The following PLCXD3 variants were observed in gnomAD, a reference collection of about 807,000 sequenced individuals.
PLCXD3 encodes the protein PI-PLC X domain-containing protein 3.
Under a neutral mutation model 25.5 loss-of-function variants are expected in PLCXD3, and 19 were observed. The observed-to-expected ratio is 0.75, with a 90% confidence interval of 0.52 to 1.09. The LOEUF (loss-of-function observed/expected upper bound fraction) is 1.09. Ranked by LOEUF, PLCXD3 falls within the 50% of genes least tolerant of loss-of-function variation. The pLI is 0.00. For synonymous variants in PLCXD3, 174 were observed against 137.6 expected, an observed-to-expected ratio of 1.26 and a Z score of -1.85; for missense variants, 411 against 388.1, an observed-to-expected ratio of 1.06 and a Z score of -0.50.
chr5:41,492,028 C>A (rs563522053), intron 1 of PLCXD3, among the ~76,000 whole-genome samples: 1 of 152,312 alleles, frequency 6.6e-6, no homozygotes, highest in South Asian at 2.1e-4. Context: ...TCTTCCTAGC[C>A]TCGATGGTCT....
intron 2 of PLCXD3, among the ~76,000 whole-genome samples, chr5:41,356,969 G>T (rs1744636527): frequency 6.6e-6 from 1 of 152,132 alleles, no homozygotes. Flanking sequence ...ACACCAAATG[G>T]TCACCAAGGG....
intron 1 of PLCXD3, among the ~76,000 whole-genome samples, chr5:41,488,235 A>G (rs1271599184): frequency 1.3e-5 from 2 of 148,702 alleles, no homozygotes; most frequent in Non-Finnish European, 3.0e-5. Context: ...AATTTCATCC[A>G]TGTCCCTACA....
chr5:41,355,882 C>T (rs970501777), intron 2 of PLCXD3, among the ~76,000 whole-genome samples: 1 of 152,108 alleles, frequency 6.6e-6, no homozygotes, highest in Non-Finnish European at 1.5e-5. Context: ...ATGAGTTTCC[C>T]ATGAGTATAT....
At chr5:41,327,257 G>C (rs1299997899) in intron 2 of PLCXD3, among the ~76,000 whole-genome samples, 1 of 152,120 alleles carries the variant, frequency 6.6e-6, no homozygotes, top group Admixed American at 6.5e-5. Flanking sequence ...GAGGTGTGGG[G>C]GAATTGACTG....
intron 1 of PLCXD3, among the ~76,000 whole-genome samples, chr5:41,388,633 T>C (rs1421816123): frequency 6.6e-6 from 1 of 151,298 alleles, no homozygotes; most frequent in Non-Finnish European, 1.5e-5. Context: ...TTTTTCTTTT[T>C]CATAAAAAAG....
intron 2 of PLCXD3, among the ~76,000 whole-genome samples, chr5:41,355,991 A>G (rs1220313737): frequency 6.6e-6 from 1 of 152,108 alleles, no homozygotes; most frequent in Non-Finnish European, 1.5e-5. Flanking sequence ...TTTGTTACCC[A>G]ATAACTTCTC....
chr5:41,343,675 A>G (rs774670648), intron 2 of PLCXD3, among the ~76,000 whole-genome samples: 11 of 152,148 alleles, frequency 7.2e-5, no homozygotes, highest in Admixed American at 3.9e-4. Context: ...TGTAGTTACA[A>G]TGAAAATCCA....
At chr5:41,434,018 C>T (rs1747176679) in intron 1 of PLCXD3, among the ~76,000 whole-genome samples, 1 of 152,160 alleles carries the variant, frequency 6.6e-6, no homozygotes, top group South Asian at 2.1e-4. Context: ...ATGGCCCAGG[C>T]ATTGCAAACA....
At chr5:41,426,966 C>T (rs573157486) in intron 1 of PLCXD3, among the ~76,000 whole-genome samples, 3 of 152,192 alleles carry the variant, frequency 2.0e-5, no homozygotes, top group African/African-American at 2.4e-5. Context: ...TTTCTGATCA[C>T]TAATGATTTT....
chr5:41,385,613 C>T (rs1421394404), intron 1 of PLCXD3, among the ~76,000 whole-genome samples: 2 of 152,166 alleles, frequency 1.3e-5, no homozygotes, highest in East Asian at 3.9e-4. Flanking sequence ...ACAATCCTTG[C>T]CCTCCTGCAT....
At chr5:41,414,665 C>G (rs1268516923) in intron 1 of PLCXD3, among the ~76,000 whole-genome samples, 1 of 152,204 alleles carries the variant, frequency 6.6e-6, no homozygotes, top group African/African-American at 2.4e-5. Context: ...TACCCATGCT[C>G]AATCACAGCC....
intron 1 of PLCXD3, 133 bp downstream of exon 1, chr5:41,510,291 C>T: frequency 1.2e-6 from 1 of 812,888 alleles, no homozygotes. Context: ...CTCGCCTGGC[C>T]TGAGACCCAC....
intron 1 of PLCXD3, among the ~76,000 whole-genome samples, chr5:41,501,460 T>C (rs1476507113): frequency 6.6e-6 from 1 of 152,058 alleles, no homozygotes; most frequent in African/African-American, 2.4e-5. Context: ...TACTGCATGA[T>C]TCCACTTAGA....
intron 1 of PLCXD3, among the ~76,000 whole-genome samples, chr5:41,508,570 A>G (rs552606297): frequency 5.3e-5 from 8 of 152,364 alleles, no homozygotes; most frequent in Admixed American, 4.6e-4. Flanking sequence ...GCTGGTGTAC[A>G]TAACAGGGCT....
At chr5:41,442,066 G>A (rs1561274838) in intron 1 of PLCXD3, among the ~76,000 whole-genome samples, 1 of 152,284 alleles carries the variant, frequency 6.6e-6, no homozygotes, top group East Asian at 1.9e-4. Flanking sequence ...TGAAGAACAT[G>A]GAGATCAGCA....
intron 1 of PLCXD3, among the ~76,000 whole-genome samples, chr5:41,493,344 G>T (rs534086195): frequency 4.6e-5 from 7 of 152,164 alleles, no homozygotes; most frequent in Non-Finnish European, 1.5e-5. Context: ...TGCCCCTACT[G>T]GGGGGTGCCT....
rs184760745 is a variant in PLCXD3 at position 41,489,263 on chromosome 5, G to T, written c.103+21161C>A. Among the ~76,000 whole-genome samples, 836 of 152,108 alleles carry T rather than the reference G, an allele frequency of 5.5e-3. 4 individuals carry two copies. Among genetic ancestry groups the T allele is most frequent in the African/African-American group, 0.018 (757 of 41,500 alleles). ...GTAGATAAGCGGCATTATTTCTGAGGGCTCTGTTCTGTTCCATTGATCTAT... is the reference window on the plus strand; with the variant it reads ...GTAGATAAGCGGCATTATTTCTGAGTGCTCTGTTCTGTTCCATTGATCTAT... On this transcript the variant is annotated intron_variant, in intron 1 of 2. Coordinates refer to ENST00000377801, the MANE Select transcript of PLCXD3 (RefSeq NM_001005473.3).
At chr5:41,432,863 C>T (rs1290125727) in intron 1 of PLCXD3, among the ~76,000 whole-genome samples, 1 of 152,190 alleles carries the variant, frequency 6.6e-6, no homozygotes, top group African/African-American at 2.4e-5. Context: ...GTTGAATAGA[C>T]TGATGGACCT....
At chr5:41,331,166 G>T (rs1743792089) in intron 2 of PLCXD3, among the ~76,000 whole-genome samples, 1 of 152,306 alleles carries the variant, frequency 6.6e-6, no homozygotes, top group African/African-American at 2.4e-5. Flanking sequence ...GTCCCTGTTT[G>T]CAGATGACAT....
Sources: gnomAD v4.1 joint callset for allele counts (sites outside exome capture counted in the v4.1 genomes callset) on GRCh38, gnomAD v4.1.1 for gene constraint, MANE v1.5 for transcripts, NCBI Gene and HGNC (gene_info 2026-07-23, HGNC 2026-07-21) for gene names.